BMPR1A: variants seen among roughly 807,000 people sequenced by gnomAD.
BMPR1A encodes the protein bone morphogenetic protein receptor type-1A.
In BMPR1A, 7 loss-of-function variants were observed where a neutral mutation model predicts 66.0. That is an observed-to-expected ratio of 0.11 (90% CI 0.06 to 0.20). The LOEUF is 0.20. Ranked by LOEUF, BMPR1A falls within the 10% of genes least tolerant of loss-of-function variation. The pLI is 1.00. For synonymous variants in BMPR1A, 200 were observed against 229.7 expected (o/e 0.87, Z 1.17); for missense variants, 408 against 669.1 (o/e 0.61, Z 4.31).
At chr10:86,885,322 G>T (rs1843055037) in intron 3 of BMPR1A, among the ~76,000 whole-genome samples, 1 of 152,148 alleles carries the variant, frequency 6.6e-6, no homozygotes, top group Non-Finnish European at 1.5e-5. Flanking sequence ...ACACACTCAT[G>T]TTCATTTTTT....
chr10:86,869,329 G>A (rs943306269), intron 2 of BMPR1A, among the ~76,000 whole-genome samples: 6 of 151,706 alleles, frequency 4.0e-5, no homozygotes, highest in African/African-American at 1.2e-4. Flanking sequence ...GTGGTGGTGC[G>A]TACCTGTAGT....
intron 1 of BMPR1A, among the ~76,000 whole-genome samples, chr10:86,802,092 A>G (rs905894590): frequency 1.3e-4 from 20 of 151,918 alleles, no homozygotes; most frequent in African/African-American, 4.6e-4. Context: ...GAGGGCCTCC[A>G]TTGTCCAGCC....
At chr10:86,768,188 G>C (rs2132634349) in intron 1 of BMPR1A, among the ~76,000 whole-genome samples, 1 of 152,108 alleles carries the variant, frequency 6.6e-6, no homozygotes, top group East Asian at 1.9e-4. Context: ...TCTGACAATG[G>C]CCAAATTGAT....
intron 1 of BMPR1A, among the ~76,000 whole-genome samples, chr10:86,805,449 T>G: frequency 6.7e-6 from 1 of 148,604 alleles, no homozygotes; most frequent in Non-Finnish European, 1.5e-5. Context: ...TTACCCTTAC[T>G]ATTTCAGTTT....
At chr10:86,784,849 G>A (rs190250953) in intron 1 of BMPR1A, among the ~76,000 whole-genome samples, 7 of 151,848 alleles carry the variant, frequency 4.6e-5, no homozygotes, top group Admixed American at 3.3e-4. Flanking sequence ...TTGTTGTAAT[G>A]TCCCCTCTTT....
intron 1 of BMPR1A, among the ~76,000 whole-genome samples, chr10:86,804,463 T>C (rs1318260122): frequency 2.0e-5 from 3 of 152,052 alleles, no homozygotes; most frequent in African/African-American, 7.2e-5. Context: ...AAACTCATGA[T>C]CTCAAGTGAT....
intron 7 of BMPR1A, 77 bp downstream of exon 7, chr10:86,900,203 A>G (rs2133458777): frequency 7.2e-7 from 1 of 1,384,364 alleles, no homozygotes; most frequent in Middle Eastern, 1.9e-4. Context: ...AGCCAGTTGC[A>G]GAAACCATTA....
rs1218449062 is a variant in BMPR1A at position 86,883,263 on chromosome 10, C to T, written c.68-6799C>T. On this transcript the variant is annotated intron_variant, in intron 3 of 12. Transcript: ENST00000372037. Reference sequence around the variant, plus strand: ...CAGCATTTTGGGAGGCTGAGGCAGGCAGATCACTTGAGGTCAGGAGTTCAA... The same window carrying T: ...CAGCATTTTGGGAGGCTGAGGCAGGTAGATCACTTGAGGTCAGGAGTTCAA... 4.0e-5 allele frequency among the ~76,000 whole-genome samples: 6 copies of T among 151,498 alleles called. No individual in the cohort carries two copies. The East Asian group carries it at 1.2e-3, about 30-fold the overall frequency.
chr10:86,869,191 T>G (rs1442189011), intron 2 of BMPR1A, among the ~76,000 whole-genome samples: 3 of 152,190 alleles, frequency 2.0e-5, no homozygotes, highest in Non-Finnish European at 2.9e-5. Flanking sequence ...GCACGGTGGC[T>G]CACACCTGTA....
At chr10:86,829,561 A>G (rs1842240796) in intron 1 of BMPR1A, among the ~76,000 whole-genome samples, 2 of 152,222 alleles carry the variant, frequency 1.3e-5, no homozygotes, top group Admixed American at 6.5e-5. Context: ...AAATGCTGCC[A>G]CCACCAAGCT....
At chr10:86,902,093 C>T (rs1045153638) in intron 7 of BMPR1A, among the ~76,000 whole-genome samples, 31 of 152,260 alleles carry the variant, frequency 2.0e-4, no homozygotes, top group Admixed American at 1.9e-3. Context: ...CTCCTGACCT[C>T]AAGTGATCCA....
chr10:86,912,280 C>G lies in BMPR1A; in HGVS notation c.571C>G (p.Arg191Gly), dbSNP rs1053423400. 1.2e-6 allele frequency: 2 copies of G among 1,613,858 alleles called. No homozygotes were observed. The highest frequency in any genetic ancestry group is 1.7e-6 in the Non-Finnish European group (2 of 1,179,892). ...CATCTCAAGCAGACGTCGTTACAAT[C>G]GTGATTTGGAACAGGATGAAGCATT... is the stretch of plus-strand genomic sequence containing the variant. ...KSISSRRRYN[R>G]DLEQDEAFIP... Residue 191 changes from arginine to glycine, a missense_variant, in exon 8 of 13, where the codon CGT becomes GGT. This residue lies in a region of BMPR1A where 174 missense variants were observed against 265.1 expected (regional missense o/e 0.66). Coordinates refer to ENST00000372037, the MANE Select transcript of BMPR1A (RefSeq NM_004329.3).
At chr10:86,909,816 A>G (rs552919594) in intron 7 of BMPR1A, among the ~76,000 whole-genome samples, 1 of 152,278 alleles carries the variant, frequency 6.6e-6, no homozygotes, top group Non-Finnish European at 1.5e-5. Flanking sequence ...AATTTGATAC[A>G]TTTAAAACTG....
Position 86,926,291 on chromosome 10 carries a change from G to T in BMPR1A, c.*2572G>T, listed in dbSNP as rs944860291. On this transcript the variant is annotated 3_prime_UTR_variant, in exon 13 of 13. Transcript: ENST00000372037. ...AATCCCAACACTTTGGGAGGCTGAG[G>T]CGGGTGGATCACAAGGTCAGGAGTT... is the stretch of plus-strand genomic sequence containing the variant. 3 of 153,640 alleles carry T rather than the reference G, an allele frequency of 2.0e-5. No individual in the cohort carries two copies. The highest frequency in any genetic ancestry group is 7.2e-5 in the African/African-American group (3 of 41,520). The allele number at this position is 153,640 out of a possible 1,614,324, so 9.5% of individuals were successfully genotyped here.
At chr10:86,862,866 A>G (rs538678272) in intron 2 of BMPR1A, among the ~76,000 whole-genome samples, 49 of 152,202 alleles carry the variant, frequency 3.2e-4, no homozygotes, top group Non-Finnish European at 5.9e-4. Flanking sequence ...GAGGTGGGAA[A>G]GACTTAGGAT....
chr10:86,919,258 G>A lies in BMPR1A; in HGVS notation c.955G>A (p.Asp319Asn). ...TDYHENGSLYDFLKCATLDTR... is the reference protein window; with the variant it reads ...TDYHENGSLYNFLKCATLDTR... ...TTACCATGAAAATGGATCTCTCTAT[G>A]ACTTCCTGAAATGTGCTACACTGGA... Residue 319 changes from aspartate to asparagine, a missense_variant, in exon 10 of 13, where the codon GAC becomes AAC. Physicochemically the swap from Asp to Asn is conservative, Grantham distance 23 (BLOSUM62 1). Coordinates refer to ENST00000372037, the MANE Select transcript of BMPR1A (RefSeq NM_004329.3). The A allele has an allele frequency of 6.2e-7, 1 of 1,613,922 alleles. No individual in the cohort carries two copies. Among genetic ancestry groups the A allele is most frequent in the East Asian group, 2.2e-5 (1 of 44,880 alleles).
At chr10:86,782,974 A>C (rs1841459855) in intron 1 of BMPR1A, among the ~76,000 whole-genome samples, 1 of 151,964 alleles carries the variant, frequency 6.6e-6, no homozygotes, top group Non-Finnish European at 1.5e-5. Flanking sequence ...AAGCTTCTCT[A>C]TGTTTCCTTC....
chr10:86,912,955 A>G (rs1403691362), intron 8 of BMPR1A, among the ~76,000 whole-genome samples: 1 of 152,150 alleles, frequency 6.6e-6, no homozygotes, highest in Admixed American at 6.5e-5. Flanking sequence ...CAGGGAAAAA[A>G]AAATAATCCC....
At chr10:86,902,640 A>G (rs1310163297) in intron 7 of BMPR1A, among the ~76,000 whole-genome samples, 5 of 152,210 alleles carry the variant, frequency 3.3e-5, no homozygotes, top group African/African-American at 4.8e-5. Context: ...CCCATATACT[A>G]ACAGCTTGCC....
Sources: gnomAD v4.1 joint callset for allele counts (sites outside exome capture counted in the v4.1 genomes callset) on GRCh38, gnomAD v4.1.1 for gene constraint, gnomAD v4.1.1 regional missense constraint, MANE v1.5 for transcripts, NCBI Gene and HGNC (gene_info 2026-07-23, HGNC 2026-07-21) for gene names.